The following NTM variants were observed in gnomAD, a reference collection of about 807,000 sequenced individuals.
The protein encoded by NTM is neurotrimin, also known as IgLON family member 2.
A neutral mutation model predicts 42.1 loss-of-function variants in NTM; 13 were observed. That is an observed-to-expected ratio of 0.31 (90% CI 0.20 to 0.49). The LOEUF (loss-of-function observed/expected upper bound fraction) is 0.49, where lower values mean the gene tolerates loss of function less well. NTM is among the 20% of genes least tolerant of loss of function. The pLI, the probability that NTM is intolerant of heterozygous loss-of-function variation, is 0.99. For missense variants in NTM, 373 were observed against 452.8 expected, an observed-to-expected ratio of 0.82 and a Z score of 1.60; for synonymous variants, 187 against 179.2, an observed-to-expected ratio of 1.04 and a Z score of -0.35.
At chr11:131,911,292 G>A (rs2054897638) in intron 1 of NTM, 1 of 1,430,946 alleles carries the variant, frequency 7.0e-7, no homozygotes, top group East Asian at 2.5e-5. Flanking sequence ...CAAAAGCCGA[G>A]GCTGGATTTG....
intron 2 of NTM, among the ~76,000 whole-genome samples, chr11:131,935,605 G>T (rs2059125061): frequency 6.6e-6 from 1 of 152,096 alleles, no homozygotes; most frequent in Non-Finnish European, 1.5e-5. Flanking sequence ...GATAGGTGGG[G>T]GAGGGAAGGG....
intron 3 of NTM, among the ~76,000 whole-genome samples, chr11:132,175,477 A>G (rs1795586764): frequency 6.6e-6 from 1 of 152,186 alleles, no homozygotes; most frequent in African/African-American, 2.4e-5. Flanking sequence ...TAACTCCTCT[A>G]GGTTTCCAGA....
intron 2 of NTM, among the ~76,000 whole-genome samples, chr11:132,044,535 T>C (rs2077710064): frequency 1.3e-5 from 2 of 152,156 alleles, no homozygotes; most frequent in Non-Finnish European, 2.9e-5. Flanking sequence ...GATCTTCTCA[T>C]GAGTCCATAT....
chr11:132,165,701 A>G (rs2075161623), intron 3 of NTM, among the ~76,000 whole-genome samples: 1 of 152,140 alleles, frequency 6.6e-6, no homozygotes, highest in South Asian at 2.1e-4. Flanking sequence ...CTTATCTACT[A>G]TTGGAAGAAG....
chr11:132,143,935 T>A (rs961009646), intron 2 of NTM, among the ~76,000 whole-genome samples: 1 of 152,224 alleles, frequency 6.6e-6, no homozygotes, highest in Non-Finnish European at 1.5e-5. Context: ...TTGCTCACCC[T>A]CAGAGTCCAT....
At chr11:131,696,441 C>G (rs1283884158) in intron 1 of NTM, among the ~76,000 whole-genome samples, 1 of 152,210 alleles carries the variant, frequency 6.6e-6, no homozygotes, top group African/African-American at 2.4e-5. Flanking sequence ...GTTGTAGGGG[C>G]CTTCCCTTCT....
At chr11:131,696,065 T>C (rs984571262) in intron 1 of NTM, among the ~76,000 whole-genome samples, 1 of 152,214 alleles carries the variant, frequency 6.6e-6, no homozygotes, top group Non-Finnish European at 1.5e-5. Flanking sequence ...GTGTTGTTGA[T>C]GTGACAGACA....
intron 1 of NTM, among the ~76,000 whole-genome samples, chr11:131,476,132 AGTT>A (rs1952914228): frequency 6.6e-6 from 1 of 152,316 alleles, no homozygotes; most frequent in Admixed American, 6.5e-5. Context: ...AGGTGGGTGA[AGTT>A]AACTAAATCT....
chr11:131,944,144 A>T (rs574705322), intron 2 of NTM, among the ~76,000 whole-genome samples: 4 of 152,226 alleles, frequency 2.6e-5, no homozygotes, highest in Non-Finnish European at 5.9e-5. Flanking sequence ...GGTAGCAGAT[A>T]AATGCCACTG....
chr11:131,869,197 T>A (rs562061290), intron 1 of NTM, among the ~76,000 whole-genome samples: 1 of 152,264 alleles, frequency 6.6e-6, no homozygotes, highest in South Asian at 2.1e-4. Context: ...TCCCCTAGCG[T>A]CAGGCAAGTT....
At position 131,929,300 on chromosome 11, in the gene NTM, G is replaced by C. The variant is rs113234206; in HGVS notation, c.167+17652G>C. Among the ~76,000 whole-genome samples, 472 of 151,110 alleles carry C rather than the reference G, an allele frequency of 3.1e-3. 6 individuals are homozygous for C. The highest frequency in any genetic ancestry group is 0.011 in the African/African-American group (451 of 40,890). ...AGGCAGATACAAAGGTGCTGAGGAG[G>C]GATCATCCTTGGCCTGAACCAACGG... On this transcript the variant is annotated intron_variant, in intron 2 of 8. Coordinates refer to ENST00000683400, the MANE Select transcript of NTM (RefSeq NM_001352005.2).
In NTM at chr11:131,394,844, T is replaced by G. The variant is rs183707977; in HGVS notation, c.82+23956T>G. 3.4e-3 allele frequency among the ~76,000 whole-genome samples: 525 copies of G among 152,266 alleles called. 3 individuals are homozygous for G. Among genetic ancestry groups the G allele is most frequent in the African/African-American group, 0.012 (499 of 41,554 alleles). ...TTCACTCCTTCCTTCAACAAATATT[T>G]GCGGGGTGTCAATGGTGCACTAAGG... On this transcript the variant is annotated intron_variant, in intron 1 of 8. Transcript: ENST00000683400.
chr11:131,794,048 A>C (rs560544440), intron 1 of NTM, among the ~76,000 whole-genome samples: 54 of 152,340 alleles, frequency 3.5e-4, no homozygotes, highest in Non-Finnish European at 6.5e-4. Flanking sequence ...AATATTTGCT[A>C]GGTGTAATCA....
chr11:131,976,970 T>C (rs778976524), intron 2 of NTM, among the ~76,000 whole-genome samples: 51 of 152,190 alleles, frequency 3.4e-4, no homozygotes, highest in Non-Finnish European at 6.3e-4. Flanking sequence ...TGACCACTAA[T>C]CTTTCCTGAC....
intron 2 of NTM, among the ~76,000 whole-genome samples, chr11:132,008,419 A>G (rs2071314530): frequency 1.3e-5 from 2 of 152,140 alleles, no homozygotes; most frequent in Non-Finnish European, 2.9e-5. Flanking sequence ...GGACTCAGGA[A>G]ATTAAAACTA....
At chr11:131,407,084 G>C (rs1401659660) in intron 1 of NTM, among the ~76,000 whole-genome samples, 1 of 152,152 alleles carries the variant, frequency 6.6e-6, no homozygotes, top group East Asian at 1.9e-4. Flanking sequence ...TCTAGCCACA[G>C]GCACTGGCTT....
At chr11:131,766,316 C>T (rs1307862910) in intron 1 of NTM, among the ~76,000 whole-genome samples, 1 of 152,176 alleles carries the variant, frequency 6.6e-6, no homozygotes, top group African/African-American at 2.4e-5. Context: ...TCTCCAGAAG[C>T]TTAGGTCTGA....
chr11:132,114,540 T>TGCCTGCCTTCCTTCCTTTCCC (rs1166595456), intron 2 of NTM, among the ~76,000 whole-genome samples: 2 of 152,214 alleles, frequency 1.3e-5, no homozygotes, highest in African/African-American at 2.4e-5. Context: ...TTTCCTTTGC[T>TGCCTGCCTTCCTTCCTTTCCC]GCCTGCCTTC....
chr11:131,772,370 A>G (rs1406932214), intron 1 of NTM, among the ~76,000 whole-genome samples: 1 of 152,206 alleles, frequency 6.6e-6, no homozygotes, highest in Admixed American at 6.5e-5. Flanking sequence ...CCCTGTGACT[A>G]GATTCCTAAT....
Sources: gnomAD v4.1 joint callset for allele counts (sites outside exome capture counted in the v4.1 genomes callset) on GRCh38, gnomAD v4.1.1 for gene constraint, MANE v1.5 for transcripts, NCBI Gene and HGNC (gene_info 2026-07-23, HGNC 2026-07-21) for gene names.